Variants in UBE4B observed in about 807,000 individuals in gnomAD.
UBE4B encodes ubiquitination factor E4B.
Under a neutral mutation model 148.1 loss-of-function variants are expected in UBE4B, and 27 were observed. The observed-to-expected ratio is 0.18, with a 90% CI of 0.13 to 0.25. The LOEUF (loss-of-function observed/expected upper bound fraction) is 0.25, where lower values mean the gene tolerates loss of function less well. UBE4B is among the 10% of genes least tolerant of loss of function. The probability of loss-of-function intolerance (pLI) is 1.00; values close to 1 mark genes in which losing one functional copy is unlikely to be tolerated. For missense variants in UBE4B, 1,170 were observed against 1,662.4 expected, an observed-to-expected ratio of 0.70 and a Z score of 5.15; for synonymous variants, 596 against 619.3, an observed-to-expected ratio of 0.96 and a Z score of 0.56.
chr1:10,150,392 CATTT>C (rs1645949872), intron 20 of UBE4B, among the ~76,000 whole-genome samples: 1 of 152,010 alleles, frequency 6.6e-6, no homozygotes, highest in Admixed American at 6.6e-5. Context: ...TGAAAAATTT[CATTT>C]ATTCTCATTT....
At position 10,105,632 on chromosome 1, in the gene UBE4B, G is replaced by C; in HGVS notation, c.697G>C (p.Ala233Pro). The change falls in exon 6 of 28, where the codon GCT becomes CCT. Residue 233 changes from alanine to proline, a missense_variant. Ala to Pro is a conservative substitution (Grantham distance 27, BLOSUM62 -1). Coordinates refer to ENST00000343090, the MANE Select transcript of UBE4B (RefSeq NM_001105562.3). ...ASLTATSQPI[A>P]AAARSPDRNL... is the part of the protein sequence containing the mutation. ...TCTGACAGCCACATCACAGCCAATT[G>C]CTGCAGCAGCACGGTCACCAGACAG... is the stretch of plus-strand genomic sequence containing the variant. 1 of 1,614,190 alleles carries C rather than the reference G, an allele frequency of 6.2e-7. No individual in the cohort carries two copies. Among genetic ancestry groups the C allele is most frequent in the Non-Finnish European group, 8.5e-7 (1 of 1,180,046 alleles).
At chr1:10,053,267 G>C (rs1644089337) in intron 1 of UBE4B, among the ~76,000 whole-genome samples, 1 of 150,064 alleles carries the variant, frequency 6.7e-6, no homozygotes, top group South Asian at 2.1e-4. Flanking sequence ...TCCTGCCTCA[G>C]CCTCCCAAGT....
intron 20 of UBE4B, among the ~76,000 whole-genome samples, chr1:10,151,021 G>C (rs1341736150): frequency 6.6e-6 from 1 of 151,030 alleles, no homozygotes; most frequent in South Asian, 2.1e-4. Flanking sequence ...AAATTAGCCG[G>C]GCATGGTGGC....
intron 25 of UBE4B, among the ~76,000 whole-genome samples, chr1:10,174,958 CTTAGT>C (rs1422542358): frequency 6.6e-6 from 1 of 152,002 alleles, no homozygotes; most frequent in Admixed American, 6.6e-5. Flanking sequence ...TTTGGTATGT[CTTAGT>C]TTGGTTTGGT....
At chr1:10,162,711 T>A (rs1646185212) in intron 23 of UBE4B, among the ~76,000 whole-genome samples, 1 of 151,966 alleles carries the variant, frequency 6.6e-6, no homozygotes, top group Non-Finnish European at 1.5e-5. Flanking sequence ...ATGCTGAGGC[T>A]TTATGATTCA....
intron 2 of UBE4B, among the ~76,000 whole-genome samples, chr1:10,095,092 A>G (rs995027772): frequency 6.6e-6 from 1 of 152,204 alleles, no homozygotes; most frequent in African/African-American, 2.4e-5. Flanking sequence ...TTATTAATAT[A>G]TCTTCTTTTG....
intron 7 of UBE4B, among the ~76,000 whole-genome samples, chr1:10,109,863 G>C (rs1352843525): frequency 6.6e-6 from 1 of 152,058 alleles, no homozygotes; most frequent in African/African-American, 2.4e-5. Context: ...GTTGGCCAGA[G>C]TGGTCTCAAA....
chr1:10,106,586 A>G lies in UBE4B; in HGVS notation c.1196+3A>G, dbSNP rs760748985. The G allele has an allele frequency of 3.2e-6, 5 of 1,539,736 alleles. No individual in the cohort carries two copies. Among genetic ancestry groups the G allele is most frequent in the Non-Finnish European group, 4.3e-6 (5 of 1,151,766 alleles). On this transcript the variant is annotated splice_donor_region_variant and intron_variant, in intron 7 of 27. Transcript: ENST00000343090. The surrounding 1 kb of genome is among the most constrained non-coding windows in gnomAD (Gnocchi z 4.2). ...TCCTCCCTGAGGATCTCTCCTAGGT[A>G]TTTATCCCACAGGAGAGTTGCATGT...
chr1:10,093,686 T>C (rs1184994274), intron 2 of UBE4B, among the ~76,000 whole-genome samples: 2 of 152,064 alleles, frequency 1.3e-5, no homozygotes, highest in Non-Finnish European at 2.9e-5. Context: ...TTTTCTTTTT[T>C]CATACTTTTT....
chr1:10,158,627 T>C, intron 22 of UBE4B, 145 bp downstream of exon 22: 1 of 1,087,388 alleles, frequency 9.2e-7, no homozygotes, highest in South Asian at 1.7e-5. Context: ...TGCCACTAAA[T>C]GTGGGCAGGA....
chr1:10,046,843 T>C (rs1167892556), intron 1 of UBE4B, among the ~76,000 whole-genome samples: 1 of 152,196 alleles, frequency 6.6e-6, no homozygotes, highest in Non-Finnish European at 1.5e-5. Flanking sequence ...AAAACTTTGA[T>C]TGTAGACCGC....
chr1:10,167,101 T>G (rs1205462221), intron 23 of UBE4B, among the ~76,000 whole-genome samples: 1 of 143,938 alleles, frequency 6.9e-6, no homozygotes, highest in Non-Finnish European at 1.5e-5. Flanking sequence ...CACTGCACTC[T>G]AGCCTGGGTG....
intron 5 of UBE4B, 56 bp from the exon 6 acceptor site, chr1:10,105,460 G>C: frequency 6.5e-7 from 1 of 1,531,222 alleles, no homozygotes; most frequent in Non-Finnish European, 9.0e-7. Context: ...TTCAAGGGCT[G>C]TGTAACCTGT....
intron 17 of UBE4B, among the ~76,000 whole-genome samples, chr1:10,138,344 G>A (rs553614234): frequency 2.6e-5 from 4 of 151,998 alleles, no homozygotes; most frequent in East Asian, 1.9e-4. Context: ...TGATCCGCCC[G>A]CCTCAGCCTC....
chr1:10,072,685 T>C, intron 2 of UBE4B: 1 of 518,244 alleles, frequency 1.9e-6, no homozygotes, highest in Non-Finnish European at 3.4e-6. Flanking sequence ...TTTAGAACTA[T>C]CTCATTAAAA....
intron 1 of UBE4B, among the ~76,000 whole-genome samples, chr1:10,040,881 A>G (rs897412729): frequency 2.0e-5 from 3 of 152,018 alleles, no homozygotes; most frequent in African/African-American, 7.2e-5. Flanking sequence ...CAGCCTCCCA[A>G]AGTGCTGGGA....
intron 5 of UBE4B, among the ~76,000 whole-genome samples, chr1:10,104,176 A>C (rs1250124291): frequency 6.6e-6 from 1 of 152,230 alleles, no homozygotes; most frequent in Non-Finnish European, 1.5e-5. Flanking sequence ...AGACGGTGGA[A>C]TTGGTCTATT....
chr1:10,114,013 C>T (rs926924199), intron 7 of UBE4B, among the ~76,000 whole-genome samples: 1 of 144,080 alleles, frequency 6.9e-6, no homozygotes, highest in Non-Finnish European at 1.5e-5. Flanking sequence ...TGCAGTGAGC[C>T]GAGATTGTGC....
chr1:10,093,103 T>TA (rs1179194666), intron 2 of UBE4B, among the ~76,000 whole-genome samples: 1 of 152,228 alleles, frequency 6.6e-6, no homozygotes, highest in Non-Finnish European at 1.5e-5. Context: ...ATACTACAGA[T>TA]ACAGTTTTTA....
Sources: gnomAD v4.1 joint callset for allele counts (sites outside exome capture counted in the v4.1 genomes callset) on GRCh38, gnomAD v4.1.1 for gene constraint, Gnocchi (gnomAD v3.1) non-coding constraint, MANE v1.5 for transcripts, NCBI Gene and HGNC (gene_info 2026-07-23, HGNC 2026-07-21) for gene names.